The following LRP1B variants were observed in gnomAD, a reference collection of about 807,000 sequenced individuals.
LRP1B encodes the protein low-density lipoprotein receptor-related protein 1B.
LRP1B carries 217 observed loss-of-function variants against 556.6 expected under a neutral mutation model. That is an observed-to-expected ratio of 0.39 (90% CI 0.35 to 0.44). LRP1B has a LOEUF of 0.44. Ranked by LOEUF, LRP1B falls within the 20% of genes least tolerant of loss-of-function variation. The pLI is 1.00. For synonymous variants in LRP1B, 2,047 were observed against 1,865.8 expected (o/e 1.10, Z -2.50); for missense variants, 5,053 against 5,620.8 (o/e 0.90, Z 3.23).
chr2:140,801,433 T>C (rs141233900), intron 32 of LRP1B, among the ~76,000 whole-genome samples: 10 of 152,258 alleles, frequency 6.6e-5, no homozygotes, highest in African/African-American at 2.2e-4. Context: ...CCGGATGTAG[T>C]GCACATGACT....
chr2:140,719,498 A>T (rs6738708), intron 35 of LRP1B, among the ~76,000 whole-genome samples: 12,090 of 152,062 alleles, frequency 0.08, 778 homozygotes, highest in East Asian at 0.26. Flanking sequence ...TATAATCATA[A>T]ATCATTCCTT....
In LRP1B at chr2:140,456,444, C is replaced by T. The variant is rs779426205; in HGVS notation, c.9963+11G>A. 1 of 1,610,508 alleles carries T rather than the reference C, an allele frequency of 6.2e-7. No homozygotes were observed. Among genetic ancestry groups the T allele is most frequent in the African/African-American group, 1.3e-5 (1 of 74,904 alleles). ...TACACTCTATAATAAGATTCCCAGA[C>T]CTCCACTCACCTGGCTGGCTGTGCA... On this transcript the variant is annotated intron_variant, in intron 62 of 90. Transcript: ENST00000389484.
At chr2:141,454,726 G>A (rs1459973516) in intron 3 of LRP1B, among the ~76,000 whole-genome samples, 1 of 131,328 alleles carries the variant, frequency 7.6e-6, no homozygotes, top group Non-Finnish European at 1.6e-5. Flanking sequence ...GTGAAGGTCA[G>A]TTCATGACAA....
At chr2:141,709,140 G>A (rs543672550) in intron 2 of LRP1B, among the ~76,000 whole-genome samples, 10 of 152,162 alleles carry the variant, frequency 6.6e-5, no homozygotes, top group African/African-American at 2.4e-4. Flanking sequence ...CACAAGGTCA[G>A]GAGTTCAAGA....
At chr2:141,024,929 T>A (rs1054098137) in intron 11 of LRP1B, among the ~76,000 whole-genome samples, 2 of 152,010 alleles carry the variant, frequency 1.3e-5, no homozygotes, top group African/African-American at 4.8e-5. Flanking sequence ...AGGCCTGCTG[T>A]TTTCACTGGC....
chr2:141,659,870 C>T (rs940069878), intron 2 of LRP1B, among the ~76,000 whole-genome samples: 3 of 152,040 alleles, frequency 2.0e-5, no homozygotes, highest in African/African-American at 7.3e-5. Context: ...GTTGTATTAT[C>T]ACTAAGGGAG....
At chr2:142,104,281 G>C (rs1706672437) in intron 1 of LRP1B, among the ~76,000 whole-genome samples, 1 of 152,068 alleles carries the variant, frequency 6.6e-6, no homozygotes, top group Admixed American at 6.6e-5. Context: ...TCTTTTACGG[G>C]AGAGTTTATA....
At chr2:141,373,849 T>A (rs1434976587) in intron 3 of LRP1B, among the ~76,000 whole-genome samples, 1 of 152,088 alleles carries the variant, frequency 6.6e-6, no homozygotes, top group South Asian at 2.1e-4. Flanking sequence ...TCCTTCCTTT[T>A]CTCTTTGTTT....
At chr2:141,580,592 A>G (rs544797142) in intron 2 of LRP1B, among the ~76,000 whole-genome samples, 1 of 152,336 alleles carries the variant, frequency 6.6e-6, no homozygotes, top group African/African-American at 2.4e-5. Context: ...GATGGTGCCA[A>G]CATATCCTTA....
chr2:140,290,985 T>C (rs1683345970), intron 84 of LRP1B, among the ~76,000 whole-genome samples: 1 of 152,046 alleles, frequency 6.6e-6, no homozygotes, highest in African/African-American at 2.4e-5. Flanking sequence ...CTTGCAAATT[T>C]GGACTAATAG....
At chr2:140,825,783 A>G (rs1282743234) in intron 31 of LRP1B, among the ~76,000 whole-genome samples, 1 of 152,218 alleles carries the variant, frequency 6.6e-6, no homozygotes, top group Non-Finnish European at 1.5e-5. Context: ...CAACATAAAC[A>G]CAACTACTAC....
chr2:140,361,165 T>A lies in LRP1B; in HGVS notation c.11132-2219A>T, dbSNP rs1682484183. The stretch of plus-strand genomic sequence containing the variant: ...ACTTTCTTCCCAATAACCTGGATTC[T>A]CTGGCCCTTTTCTCTTTTTCATCTC... On this transcript the variant is annotated intron_variant, in intron 72 of 90. Transcript: ENST00000389484. Among the ~76,000 whole-genome samples, 3 of 150,328 alleles carry A rather than the reference T, an allele frequency of 2.0e-5. No individual in the cohort carries two copies. The South Asian group carries it at 6.3e-4, about 31-fold the overall frequency.
Position 141,366,258 on chromosome 2 carries a change from A to G in LRP1B, c.344-111617T>C, listed in dbSNP as rs58415325. Among the ~76,000 whole-genome samples, 946 of 152,312 alleles carry G rather than the reference A, an allele frequency of 6.2e-3. 13 individuals are homozygous for G. Among genetic ancestry groups the G allele is most frequent in the African/African-American group, 0.021 (879 of 41,576 alleles). On this transcript the variant is annotated intron_variant, in intron 3 of 90. Transcript: ENST00000389484. Reference sequence around the variant, plus strand: ...TGCAAGAGGTTACTTGTGTTTATCAACATCTGAATCTTCCCTTTTGGACAA... The same window carrying G: ...TGCAAGAGGTTACTTGTGTTTATCAGCATCTGAATCTTCCCTTTTGGACAA...
intron 11 of LRP1B, among the ~76,000 whole-genome samples, chr2:141,045,611 T>C (rs1034462306): frequency 2.0e-5 from 3 of 152,056 alleles, no homozygotes; most frequent in African/African-American, 7.2e-5. Flanking sequence ...AGTTTCTTTA[T>C]AGCAGTTATC....
At chr2:140,547,622 G>A (rs1380361339) in intron 43 of LRP1B, among the ~76,000 whole-genome samples, 1 of 151,606 alleles carries the variant, frequency 6.6e-6, no homozygotes, top group East Asian at 1.9e-4. Context: ...GTTTCATTTG[G>A]AACAAATCTG....
chr2:141,396,865 G>A (rs779036833), intron 3 of LRP1B, among the ~76,000 whole-genome samples: 6 of 152,006 alleles, frequency 3.9e-5, no homozygotes, highest in Non-Finnish European at 5.9e-5. Context: ...GCTCATGCCT[G>A]TAATCCCAGC....
intron 1 of LRP1B, among the ~76,000 whole-genome samples, chr2:141,909,526 ATTTTTTTTTTTTTTTTTTT>A (rs377577096): frequency 1.6e-4 from 15 of 93,402 alleles, no homozygotes; most frequent in African/African-American, 4.7e-4. Flanking sequence ...GGTCTCAGAC[ATTTTTTTTTTTTTTTTTTT>A]TTTTTTTTTT....
intron 1 of LRP1B, among the ~76,000 whole-genome samples, chr2:141,963,019 T>G (rs1701445855): frequency 6.6e-6 from 1 of 151,806 alleles, no homozygotes; most frequent in Admixed American, 6.6e-5. Flanking sequence ...ATAAGATTTT[T>G]TATTCATTAG....
rs375740654 is a variant in LRP1B at position 141,608,831 on chromosome 2, T to A, written c.206-128298A>T. 6.2e-4 allele frequency among the ~76,000 whole-genome samples: 95 copies of A among 152,336 alleles called. 2 individuals carry two copies. The South Asian group carries it at 0.019, about 31-fold the overall frequency. Reference sequence around the variant, plus strand: ...TTCAGTTGATTTTGCTAAACTCATATTTGTAGCTAATTTATTTATGTAATT... The same window carrying A: ...TTCAGTTGATTTTGCTAAACTCATAATTGTAGCTAATTTATTTATGTAATT... On this transcript the variant is annotated intron_variant, in intron 2 of 90. Coordinates refer to ENST00000389484, the MANE Select transcript of LRP1B (RefSeq NM_018557.3).
Sources: allele counts gnomAD v4.1 joint callset (sites outside exome capture counted in the v4.1 genomes callset), GRCh38; gene constraint gnomAD v4.1.1; transcripts MANE v1.5; gene names NCBI Gene and HGNC (gene_info 2026-07-23, HGNC 2026-07-21).